Variants in EVC observed in about 807,000 individuals in gnomAD.
EVC encodes EvC ciliary complex subunit 1, also known as evC complex member EVC.
A neutral mutation model predicts 118.9 loss-of-function variants in EVC; 116 were observed. The ratio of observed to expected loss-of-function variants is 0.98; its 90% CI spans 0.84 to 1.14. The LOEUF is 1.14. Ranked by LOEUF, EVC falls within the 50% of genes most tolerant of loss-of-function variation. The probability of loss-of-function intolerance (pLI) is 0.00; values close to 1 mark genes in which losing one functional copy is unlikely to be tolerated. For synonymous variants in EVC, 619 were observed against 534.7 expected, an observed-to-expected ratio of 1.16 and a Z score of -2.18; for missense variants, 1,401 against 1,246.4, an observed-to-expected ratio of 1.12 and a Z score of -1.87.
Position 5,809,542 on chromosome 4 carries a change from G to A in EVC, c.2713G>A (p.Glu905Lys), listed in dbSNP as rs892954050. Residue 905 changes from glutamate to lysine, a missense_variant, in exon 19 of 21, where the codon GAG becomes AAG. Physicochemically the swap from Glu to Lys is moderately conservative, Grantham distance 56 (BLOSUM62 1). Transcript: ENST00000264956. ...LQEAEQNFIS[E>K]LAALARVPLA... ...GGAAGCTGAACAGAACTTCATCTCCGAGCTGGCAGCCTTGGCCCGAGTGCC... is the reference window on the plus strand; with the variant it reads ...GGAAGCTGAACAGAACTTCATCTCCAAGCTGGCAGCCTTGGCCCGAGTGCC... 6 of 1,614,180 alleles carry A rather than the reference G, an allele frequency of 3.7e-6. No homozygotes were observed. The highest frequency in any genetic ancestry group is 2.2e-5 in the East Asian group (1 of 44,878).
At position 5,746,280 on chromosome 4, in the gene EVC, T is replaced by C. The variant is rs1386965379; in HGVS notation, c.939+939T>C. Among the ~76,000 whole-genome samples the C allele has an allele frequency of 6.6e-6, 1 of 152,050 alleles. No homozygotes were observed. Among genetic ancestry groups the C allele is most frequent in the African/African-American group, 2.4e-5 (1 of 41,394 alleles). On this transcript the variant is annotated intron_variant, in intron 7 of 20. Transcript: ENST00000264956. The surrounding 1 kb of genome is among the most constrained non-coding windows in gnomAD (Gnocchi z 5.8). ...TGCCCAGGCACTGAGTGGAGGGTGGTGAAGAGCTACTGGGCTAATCCAGCA... is the reference window on the plus strand; with the variant it reads ...TGCCCAGGCACTGAGTGGAGGGTGGCGAAGAGCTACTGGGCTAATCCAGCA...
At chr4:5,732,008 A>G (rs943196233) in intron 4 of EVC, among the ~76,000 whole-genome samples, 1 of 141,290 alleles carries the variant, frequency 7.1e-6, no homozygotes, top group Non-Finnish European at 1.6e-5. Context: ...TCTCATGAGG[A>G]TTTTGCCCAG....
At chr4:5,823,904 A>T in the EVC span, among the ~76,000 whole-genome samples, 3 of 152,232 alleles carry the variant, frequency 2.0e-5, no homozygotes, top group Admixed American at 2.0e-4. Flanking sequence ...GCAGATATTA[A>T]AAAGGGCATC....
rs778032532 is a variant in EVC, at chr4:5,752,846, A to T, written c.1109A>T (p.Glu370Val). ...TGTTTCTTTTTGCAGGACGCCCTGGAGAGGACGATGGGGCGGGCGCACATG... is the reference window on the plus strand; with the variant it reads ...TGTTTCTTTTTGCAGGACGCCCTGGTGAGGACGATGGGGCGGGCGCACATG... ...SQELQALDAL[E>V]RTMGRAHMAK... Residue 370 changes from glutamate to valine, a missense_variant, in exon 9 of 21, where the codon GAG becomes GTG. Coordinates refer to ENST00000264956, the MANE Select transcript of EVC (RefSeq NM_153717.3). The T allele has an allele frequency of 6.8e-5, 110 of 1,614,070 alleles. No individual in the cohort carries two copies. The highest frequency in any genetic ancestry group is 8.9e-5 in the Non-Finnish European group (105 of 1,180,022).
At chr4:5,785,022 A>G (rs1736209496) in intron 12 of EVC, among the ~76,000 whole-genome samples, 1 of 152,062 alleles carries the variant, frequency 6.6e-6, no homozygotes, top group Non-Finnish European at 1.5e-5. Flanking sequence ...TCGGCCCTCT[A>G]GAGGCTGTGA....
At chr4:5,777,725 T>C (rs1170724493) in intron 11 of EVC, among the ~76,000 whole-genome samples, 1 of 152,172 alleles carries the variant, frequency 6.6e-6, no homozygotes, top group Non-Finnish European at 1.5e-5. Flanking sequence ...AGAATGTGGG[T>C]TCCATATGCC....
At chr4:5,785,176 A>G (rs890572014) in intron 12 of EVC, among the ~76,000 whole-genome samples, 6 of 152,296 alleles carry the variant, frequency 3.9e-5, no homozygotes, top group Non-Finnish European at 7.3e-5. Flanking sequence ...TCAGTGTCCC[A>G]TTCTTCCTTC....
intron 5 of EVC, among the ~76,000 whole-genome samples, chr4:5,734,061 A>G (rs1448129800): frequency 1.3e-5 from 2 of 152,214 alleles, no homozygotes; most frequent in Admixed American, 1.3e-4. Flanking sequence ...TCTCTGCCAG[A>G]TGCACCTGGC....
At chr4:5,740,468 C>T in intron 5 of EVC, among the ~76,000 whole-genome samples, 1 of 96,902 alleles carries the variant, frequency 1.0e-5, no homozygotes, top group Non-Finnish European at 1.9e-5. Flanking sequence ...GATACTCCAT[C>T]TCAAAAAAAA....
rs187457187 is a variant in EVC at position 5,733,357 on chromosome 4, C to T, written c.624C>T (p.Asp208=). 4.3e-6 allele frequency: 7 copies of T among 1,613,528 alleles called. No homozygotes were observed. Among genetic ancestry groups the T allele is most frequent in the Admixed American group, 3.3e-5 (2 of 60,030 alleles). ...FPEVLACESV[D]VDLCIYSLHL... is the part of the protein sequence containing the mutation. Reference sequence around the variant, plus strand: ...TTCTCATTTTATTTTGCAGTGTAGACGTTGACCTGTGTATCTACAGCCTTC... The same window carrying T: ...TTCTCATTTTATTTTGCAGTGTAGATGTTGACCTGTGTATCTACAGCCTTC... Residue 208 remains aspartate (D), a synonymous_variant, in exon 5 of 21, where the codon GAC becomes GAT. Transcript: ENST00000264956.
At chr4:5,718,216 CAG>C (rs1724310234) in intron 1 of EVC, among the ~76,000 whole-genome samples, 1 of 152,102 alleles carries the variant, frequency 6.6e-6, no homozygotes, top group African/African-American at 2.4e-5. Context: ...GGGGGGAAAA[CAG>C]GGTTAGGTTC....
intron 17 of EVC, among the ~76,000 whole-genome samples, chr4:5,807,475 T>C (rs1324993278): frequency 6.6e-6 from 1 of 152,162 alleles, no homozygotes; most frequent in African/African-American, 2.4e-5. Flanking sequence ...TTCGACCCCT[T>C]TCAGAAAATC....
the EVC span, chr4:5,824,940 C>T: frequency 1.0e-6 from 1 of 985,442 alleles, no homozygotes; most frequent in Non-Finnish European, 1.2e-6. Context: ...TGTTCCCACA[C>T]ATTTGTTGAG....
chr4:5,809,360 C>G (rs1445901131), intron 18 of EVC, among the ~76,000 whole-genome samples, 158 bp from the exon 19 acceptor site: 4 of 152,178 alleles, frequency 2.6e-5, no homozygotes, highest in African/African-American at 9.7e-5. Flanking sequence ...TCCTCCTGCT[C>G]CTCTCCTCTC....
intron 2 of EVC, among the ~76,000 whole-genome samples, chr4:5,728,072 A>G (rs1251126822): frequency 1.3e-5 from 2 of 152,010 alleles, no homozygotes; most frequent in African/African-American, 2.4e-5. Context: ...TTTTGGTTCC[A>G]TATGAACTTT....
At chr4:5,817,433 G>A (rs1022969530), downstream of EVC, among the ~76,000 whole-genome samples, 6 of 152,344 alleles carry the variant, frequency 3.9e-5, no homozygotes, top group South Asian at 1.2e-3. Flanking sequence ...TGGACGCACA[G>A]CCATGCCACA....
Position 5,798,457 on chromosome 4 carries a change from T to C in EVC, c.2098-129T>C. ...TTTTGCAAGCCCAGAGGCCACCTCT[T>C]TCTGCCCTTTCTCCATCCCTTTTCC... On this transcript the variant is annotated intron_variant, in intron 14 of 20. Coordinates refer to ENST00000264956, the MANE Select transcript of EVC (RefSeq NM_153717.3). The surrounding 1 kb of genome is among the most constrained non-coding windows in gnomAD (Gnocchi z 4.1). 2 of 925,822 alleles carry C rather than the reference T, an allele frequency of 2.2e-6. No individual in the cohort carries two copies. Among genetic ancestry groups the C allele is most frequent in the Non-Finnish European group, 3.4e-6 (2 of 584,038 alleles). 57.4% of individuals were successfully genotyped at this position (925,822 alleles called of 1,614,324 possible).
rs1009250004 is a variant in EVC at position 5,755,515 on chromosome 4, T to TTC, written c.1465-742_1465-741dup. Among the ~76,000 whole-genome samples the TTC allele has an allele frequency of 6.6e-6, 1 of 152,006 alleles. No individual in the cohort carries two copies. Among genetic ancestry groups the TTC allele is most frequent in the Non-Finnish European group, 1.5e-5 (1 of 67,978 alleles). On this transcript the variant is annotated intron_variant, in intron 10 of 20. Transcript: ENST00000264956. The surrounding 1 kb of genome is among the most constrained non-coding windows in gnomAD (Gnocchi z 4.1). ...CACCCACCTTTTTCCAGTCCCGCCC[T>TTC]TCTCTCTCATCTCACCTCCTGCCCG...
chr4:5,792,681 C>T (rs1713018993), intron 12 of EVC, among the ~76,000 whole-genome samples: 1 of 152,148 alleles, frequency 6.6e-6, no homozygotes, highest in Non-Finnish European at 1.5e-5. Flanking sequence ...ATTGAAAAGC[C>T]AAAAGGATCT....
Sources: gnomAD v4.1 joint callset for allele counts (sites outside exome capture counted in the v4.1 genomes callset) on GRCh38, gnomAD v4.1.1 for gene constraint, Gnocchi (gnomAD v3.1) non-coding constraint, MANE v1.5 for transcripts, NCBI Gene and HGNC (gene_info 2026-07-23, HGNC 2026-07-21) for gene names.